AMOTL1: variants seen among roughly 807,000 people sequenced by gnomAD.
AMOTL1 encodes the protein angiomotin like 1, also known as angiomotin-like protein 1.
AMOTL1 carries 45 observed loss-of-function variants against 102.9 expected under a neutral mutation model. That is an observed-to-expected ratio of 0.44 (90% confidence interval 0.34 to 0.56). AMOTL1 has a LOEUF of 0.56. AMOTL1 is among the 20% of genes least tolerant of loss of function. The pLI is 0.01. For synonymous variants in AMOTL1, 481 were observed against 484.7 expected, an observed-to-expected ratio of 0.99 and a Z score of 0.10; for missense variants, 1,114 against 1,225.6, an observed-to-expected ratio of 0.91 and a Z score of 1.36.
chr11:94,795,094 T>C lies in AMOTL1; in HGVS notation c.133T>C (p.Tyr45His). ...STYFSPDFQLYSGRHETSALT... is the reference protein window; with the variant it reads ...STYFSPDFQLHSGRHETSALT... ...CTACTTTTCCCCAGACTTTCAGCTC[T>C]ATTCTGGGAGGCATGAAACATCTGC... is the stretch of plus-strand genomic sequence containing the variant. The change falls in exon 2 of 13, where the codon TAT becomes CAT. Residue 45 changes from tyrosine to histidine, a missense_variant. Transcript: ENST00000433060. 6.2e-7 allele frequency: 1 copy of C among 1,613,892 alleles called. No individual in the cohort carries two copies. Among genetic ancestry groups the C allele is most frequent in the South Asian group, 1.1e-5 (1 of 91,058 alleles).
chr11:94,758,248 T>G (rs575573201), intron 3 of AMOTL1, among the ~76,000 whole-genome samples: 2 of 152,376 alleles, frequency 1.3e-5, no homozygotes, highest in Admixed American at 6.5e-5. Flanking sequence ...CTACCATTTA[T>G]TATTTCATTT....
chr11:94,721,996 C>T (rs1203565553), intron 1 of AMOTL1, among the ~76,000 whole-genome samples: 1 of 152,060 alleles, frequency 6.6e-6, no homozygotes, highest in Non-Finnish European at 1.5e-5. Context: ...GGCTCTTTGT[C>T]TCTTTGCCTC....
intron 3 of AMOTL1, among the ~76,000 whole-genome samples, chr11:94,812,405 G>C (rs2135599665): frequency 6.6e-6 from 1 of 152,308 alleles, no homozygotes; most frequent in East Asian, 1.9e-4. Flanking sequence ...TAGAGTCTCT[G>C]ATTAGCTTTC....
chr11:94,811,384 G>A (rs577349513), intron 3 of AMOTL1, among the ~76,000 whole-genome samples: 60 of 151,870 alleles, frequency 4.0e-4, no homozygotes, highest in Non-Finnish European at 7.7e-4. Flanking sequence ...AGTCCCAGCC[G>A]CTCGGGAGGC....
At chr11:94,825,411 G>A (rs1951943627) in intron 4 of AMOTL1, among the ~76,000 whole-genome samples, 1 of 152,188 alleles carries the variant, frequency 6.6e-6, no homozygotes. Flanking sequence ...AGCTTGGAAT[G>A]GCTGAGATTT....
At chr11:94,751,602 T>C (rs1950654922) in intron 3 of AMOTL1, among the ~76,000 whole-genome samples, 2 of 151,596 alleles carry the variant, frequency 1.3e-5, no homozygotes, top group Non-Finnish European at 2.9e-5. Flanking sequence ...GCTCAGGAAG[T>C]GAGTTTTATT....
intron 2 of AMOTL1, among the ~76,000 whole-genome samples, chr11:94,733,088 G>A (rs1950379889): frequency 6.6e-6 from 1 of 152,214 alleles, no homozygotes; most frequent in South Asian, 2.1e-4. Flanking sequence ...TTTTGCAGAT[G>A]AGAAAACTGA....
chr11:94,818,756 A>T (rs1951810175), intron 3 of AMOTL1, among the ~76,000 whole-genome samples: 1 of 152,082 alleles, frequency 6.6e-6, no homozygotes, highest in South Asian at 2.1e-4. Flanking sequence ...AATGTTTTTA[A>T]TTGATTTTTT....
At chr11:94,776,832 A>G (rs751486302) in intron 1 of AMOTL1, among the ~76,000 whole-genome samples, 34 of 152,210 alleles carry the variant, frequency 2.2e-4, no homozygotes, top group Non-Finnish European at 4.4e-4. Flanking sequence ...AAAGTAGAGA[A>G]TATGAAATCC....
At position 94,865,187 on chromosome 11, in the gene AMOTL1, AG is replaced by A. The variant is rs1378103139; in HGVS notation, c.2261+332del. Reference sequence around the variant, plus strand: ...TATCTCTATGACATTATGAGCTGAAAGGGGGAAACATTATATCCCAAAGATT... The same window carrying A: ...TATCTCTATGACATTATGAGCTGAAAGGGGAAACATTATATCCCAAAGATT... On this transcript the variant is annotated intron_variant, in intron 10 of 12. Transcript: ENST00000433060. 3.3e-5 allele frequency among the ~76,000 whole-genome samples: 5 copies of A among 152,330 alleles called. No individual in the cohort carries two copies. In the Middle Eastern group the frequency reaches 0.01, roughly 311 times the overall value.
chr11:94,740,067 G>A (rs1448896593), intron 2 of AMOTL1, among the ~76,000 whole-genome samples: 1 of 152,066 alleles, frequency 6.6e-6, no homozygotes, highest in Admixed American at 6.5e-5. Context: ...CAACTTCTCA[G>A]CCTCGGTTTC....
intron 3 of AMOTL1, among the ~76,000 whole-genome samples, chr11:94,763,083 C>T (rs1950813990): frequency 6.6e-6 from 1 of 152,222 alleles, no homozygotes; most frequent in African/African-American, 2.4e-5. Context: ...CAAATGATCT[C>T]TTCTGTTGCA....
At chr11:94,738,661 A>C (rs954780242) in intron 2 of AMOTL1, among the ~76,000 whole-genome samples, 4 of 152,230 alleles carry the variant, frequency 2.6e-5, no homozygotes, top group African/African-American at 9.6e-5. Context: ...TAGCATGGAA[A>C]GAGAGCAGAA....
chr11:94,741,209 T>C (rs999041138), intron 3 of AMOTL1, among the ~76,000 whole-genome samples: 1 of 151,660 alleles, frequency 6.6e-6, no homozygotes, highest in Non-Finnish European at 1.5e-5. Flanking sequence ...GCCGTGCGTG[T>C]GTGTGTGTGT....
rs751382037 is a variant in AMOTL1 at position 94,866,086 on chromosome 11, G to A, written c.2406G>A (p.Gly802=). The part of the protein sequence containing the change: ...RSVPSIAAAT[G]THSRQTSLTS... Reference sequence around the variant, plus strand: ...TTCCATCCATAGCAGCAGCTACTGGGACACACTCTCGCCAGACCTCTCTTA... The same window carrying A: ...TTCCATCCATAGCAGCAGCTACTGGAACACACTCTCGCCAGACCTCTCTTA... The change falls in exon 11 of 13, where the codon GGG becomes GGA. Residue 802 remains glycine, a synonymous_variant. Transcript: ENST00000433060. 2.0e-5 allele frequency: 32 copies of A among 1,613,842 alleles called. No homozygotes were observed. The highest frequency in any genetic ancestry group is 2.7e-5 in the Non-Finnish European group (32 of 1,179,896).
chr11:94,759,281 T>C (rs563614308), intron 3 of AMOTL1, among the ~76,000 whole-genome samples: 91 of 152,338 alleles, frequency 6.0e-4, no homozygotes, highest in African/African-American at 2.1e-3. Flanking sequence ...AATATTTGAT[T>C]TTTTTCCTCA....
intron 11 of AMOTL1, 54 bp from the exon 12 acceptor site, chr11:94,869,144 T>TAAA: frequency 2.4e-6 from 3 of 1,238,324 alleles, no homozygotes; most frequent in Non-Finnish European, 2.2e-6. Context: ...AGACTAGATT[T>TAAA]AAAAAAAAAA....
chr11:94,766,810 C>A (rs1232634288), upstream of AMOTL1, among the ~76,000 whole-genome samples: 1 of 152,238 alleles, frequency 6.6e-6, no homozygotes, highest in Non-Finnish European at 1.5e-5. Flanking sequence ...GCTTCTTCAT[C>A]CGGCAAGTGA....
intron 1 of AMOTL1, among the ~76,000 whole-genome samples, chr11:94,790,514 G>T (rs1241412619): frequency 6.6e-6 from 1 of 152,116 alleles, no homozygotes; most frequent in Non-Finnish European, 1.5e-5. Context: ...GTAGTTAGGG[G>T]TGCATGTGAA....
Sources: allele counts gnomAD v4.1 joint callset (sites outside exome capture counted in the v4.1 genomes callset), GRCh38; gene constraint gnomAD v4.1.1; transcripts MANE v1.5; gene names NCBI Gene and HGNC (gene_info 2026-07-23, HGNC 2026-07-21).